The following PLAUR variants were observed in gnomAD, a reference collection of about 807,000 sequenced individuals.
The protein encoded by PLAUR is urokinase plasminogen activator surface receptor.
PLAUR carries 22 observed loss-of-function variants against 33.4 expected under a neutral mutation model. The ratio of observed to expected loss-of-function variants is 0.66; its 90% confidence interval spans 0.47 to 0.94. PLAUR has a LOEUF of 0.94. PLAUR is among the 40% of genes least tolerant of loss of function. The pLI is 0.00. For missense variants in PLAUR, 408 were observed against 434.7 expected (o/e 0.94, Z 0.55); for synonymous variants, 148 against 167.3 (o/e 0.88, Z 0.89).
At chr19:43,652,155 G>A (rs2146205249) in intron 6 of PLAUR, 70 bp downstream of exon 6, 1 of 1,585,006 alleles carries the variant, frequency 6.3e-7, no homozygotes, top group Non-Finnish European at 8.6e-7. Flanking sequence ...CAGCTTAACT[G>A]GAAGTCAATC....
intron 5 of PLAUR, among the ~76,000 whole-genome samples, chr19:43,652,733 C>T (rs1327041687): frequency 6.6e-6 from 1 of 152,164 alleles, no homozygotes; most frequent in Non-Finnish European, 1.5e-5. Flanking sequence ...TCACTGCAGC[C>T]TCGACCACCC....
rs374333275 is a variant in PLAUR at position 43,656,653 on chromosome 19, G to T, written c.311-13C>A. The T allele has an allele frequency of 1.9e-6, 3 of 1,576,902 alleles. No homozygotes were observed. The highest frequency in any genetic ancestry group is 1.8e-5 in the Admixed American group (1 of 56,850). ...GTGACAGCCCGGCCTGTTTGGAAGA[G>T]GGGGAGGGGAGTGAGACTCCATGGG... On this transcript the variant is annotated splice_polypyrimidine_tract_variant and intron_variant, in intron 3 of 6. Coordinates refer to ENST00000340093, the MANE Select transcript of PLAUR (RefSeq NM_002659.4).
intron 6 of PLAUR, among the ~76,000 whole-genome samples, chr19:43,650,287 G>A (rs1396464768): frequency 2.6e-5 from 4 of 151,590 alleles, no homozygotes; most frequent in Non-Finnish European, 5.9e-5. Flanking sequence ...GGTATTACAG[G>A]CGTGAGCCAC....
Position 43,652,318 on chromosome 19 carries a change from C to G in PLAUR, c.661G>C (p.Gly221Arg). 6.2e-7 allele frequency: 1 copy of G among 1,613,988 alleles called. No individual in the cohort carries two copies. The highest frequency in any genetic ancestry group is 8.5e-7 in the Non-Finnish European group (1 of 1,179,912). ...GAGGAGCATCCATGGGTGCTGTTCCCCTTGCAGCTGTAACACTGGCGGCCA... is the reference window on the plus strand; with the variant it reads ...GAGGAGCATCCATGGGTGCTGTTCCGCTTGCAGCTGTAACACTGGCGGCCA... ...QNGRQCYSCK[G>R]NSTHGCSSEE... Residue 221 changes from glycine (G) to arginine (R), a missense_variant, in exon 6 of 7, where the codon GGG becomes CGG. Gly to Arg is a moderately radical substitution (Grantham distance 125). Transcript: ENST00000340093.
chr19:43,669,469 G>C (rs901505087), intron 1 of PLAUR, among the ~76,000 whole-genome samples: 2 of 152,100 alleles, frequency 1.3e-5, no homozygotes, highest in African/African-American at 4.8e-5. Flanking sequence ...AAGTCCCATC[G>C]CCTAGTTTGA....
downstream of PLAUR, among the ~76,000 whole-genome samples, chr19:43,647,373 C>T (rs4251953): frequency 0.048 from 7,331 of 152,226 alleles, 198 homozygotes; most frequent in Middle Eastern, 0.2. Flanking sequence ...ATCTTCTATC[C>T]GTCTCCTTTC....
intron 5 of PLAUR, among the ~76,000 whole-genome samples, chr19:43,653,496 T>C (rs1234820347): frequency 1.3e-5 from 2 of 152,140 alleles, no homozygotes; most frequent in Non-Finnish European, 2.9e-5. Flanking sequence ...CTTTGGTGAT[T>C]ATAGAAACCA....
intron 1 of PLAUR, among the ~76,000 whole-genome samples, chr19:43,668,723 A>C (rs1027283389): frequency 2.8e-5 from 4 of 144,784 alleles, no homozygotes; most frequent in Non-Finnish European, 6.1e-5. Flanking sequence ...CGAGGTTATA[A>C]TCCTGCCCCT....
chr19:43,660,727 G>C (rs1218907573), intron 3 of PLAUR: 2 of 151,834 alleles, frequency 1.3e-5, no homozygotes, highest in East Asian at 3.9e-4. Context: ...TCAGGCTCAA[G>C]AAATCCTTCC....
chr19:43,649,770 G>A (rs1356944426), intron 6 of PLAUR, among the ~76,000 whole-genome samples: 3 of 151,978 alleles, frequency 2.0e-5, no homozygotes, highest in East Asian at 1.9e-4. Context: ...GAAAGGAAGC[G>A]AGCAGCGGTT....
At position 43,649,008 on chromosome 19, in the gene PLAUR, T is replaced by C. The variant is rs16976608; in HGVS notation, c.890A>G (p.Asp297Gly). ...CCCACTGCGGTACTGGACATCCAGG[T>C]CTGGGTGGTTACAGCCACTTTTAGT... ...CCTKSGCNHPDLDVQYRSGAA... is the reference protein window; with the variant it reads ...CCTKSGCNHPGLDVQYRSGAA... The change falls in exon 7 of 7, where the codon GAC becomes GGC. Residue 297 changes from aspartate to glycine, a missense_variant. By Grantham distance (94) the Asp-to-Gly change is moderately conservative (BLOSUM62 -1). Transcript: ENST00000340093. 6.2e-7 allele frequency: 1 copy of C among 1,614,056 alleles called. No individual in the cohort carries two copies. Among genetic ancestry groups the C allele is most frequent in the Non-Finnish European group, 8.5e-7 (1 of 1,180,034 alleles).
intron 2 of PLAUR, chr19:43,667,305 T>C: frequency 2.0e-6 from 1 of 498,912 alleles, no homozygotes; most frequent in Non-Finnish European, 3.7e-6. Context: ...CTGTAGCATA[T>C]GTTAATCTTC....
At chr19:43,662,244 T>A (rs1967031771) in intron 3 of PLAUR, among the ~76,000 whole-genome samples, 1 of 148,668 alleles carries the variant, frequency 6.7e-6, no homozygotes, top group African/African-American at 2.5e-5. Flanking sequence ...ACGTCTGTAA[T>A]CCCAGCACTT....
At chr19:43,667,540 A>G (rs749345615) in intron 2 of PLAUR, 41 bp downstream of exon 2, 5 of 1,385,208 alleles carry the variant, frequency 3.6e-6, no homozygotes, top group Non-Finnish European at 4.1e-6. Flanking sequence ...CTCGCGTTCC[A>G]TGCTGCGCTG....
At chr19:43,665,634 C>A (rs1250693168) in intron 2 of PLAUR, among the ~76,000 whole-genome samples, 175 bp from the exon 3 acceptor site, 5 of 144,114 alleles carry the variant, frequency 3.5e-5, no homozygotes, top group Non-Finnish European at 7.5e-5. Context: ...CCCACCCCAA[C>A]AAGGAGCCTG....
Position 43,651,431 on chromosome 19 carries a change from TAA to T in PLAUR, c.754+792_754+793del, listed in dbSNP as rs1346855931. 5.3e-5 allele frequency among the ~76,000 whole-genome samples: 8 copies of T among 150,782 alleles called. No individual in the cohort carries two copies. In the East Asian group the frequency reaches 1.6e-3, roughly 30 times the overall value. Reference sequence around the variant, plus strand: ...CTATAGAAATCACTGATATAAACAATAAAGAGTTTTTTTTTTTTTTTGAGACA... The same window carrying T: ...CTATAGAAATCACTGATATAAACAATAGAGTTTTTTTTTTTTTTTGAGACA... On this transcript the variant is annotated intron_variant, in intron 6 of 6. Transcript: ENST00000340093.
intron 3 of PLAUR, among the ~76,000 whole-genome samples, chr19:43,663,316 CA>C (rs1967084734): frequency 9.1e-5 from 10 of 109,460 alleles, no homozygotes; most frequent in African/African-American, 3.9e-4. Flanking sequence ...CACACACACA[CA>C]CACACACACA....
At chr19:43,655,640 C>T (rs1249696090) in intron 4 of PLAUR, 67 bp from the exon 5 acceptor site, 10 of 1,454,502 alleles carry the variant, frequency 6.9e-6, no homozygotes, top group Middle Eastern at 1.8e-4. Context: ...GGGATTTGCC[C>T]GAAATAGCAG....
At chr19:43,669,528 T>C (rs895834636) in intron 1 of PLAUR, among the ~76,000 whole-genome samples, 2 of 152,008 alleles carry the variant, frequency 1.3e-5, no homozygotes, top group Non-Finnish European at 2.9e-5. Flanking sequence ...AAAGAACACT[T>C]GGGCCGGGCG....
Sources: allele counts gnomAD v4.1 joint callset (sites outside exome capture counted in the v4.1 genomes callset), GRCh38; gene constraint gnomAD v4.1.1; transcripts MANE v1.5; gene names NCBI Gene and HGNC (gene_info 2026-07-23, HGNC 2026-07-21).